Variants in RGS12 observed in about 807,000 individuals in gnomAD.
RGS12 encodes regulator of G protein signaling 12, also known as regulator of G-protein signaling 12.
RGS12 carries 66 observed loss-of-function variants against 120.1 expected under a neutral mutation model. That is an observed-to-expected ratio of 0.55 (90% CI 0.45 to 0.67). RGS12 has a LOEUF of 0.67. RGS12 is among the 30% of genes least tolerant of loss of function. RGS12 has a pLI of 0.00. For synonymous variants in RGS12, 827 were observed against 804.7 expected (o/e 1.03, Z -0.47); for missense variants, 1,859 against 1,957.7 (o/e 0.95, Z 0.95).
chr4:3,386,003 G>T (rs1322252027), intron 3 of RGS12: 1 of 215,438 alleles, frequency 4.6e-6, no homozygotes. Context: ...TGGACTGTTG[G>T]TGGCTGCCCC....
At chr4:3,326,081 G>A (rs781583149) in intron 2 of RGS12, among the ~76,000 whole-genome samples, 1 of 152,158 alleles carries the variant, frequency 6.6e-6, no homozygotes, top group Non-Finnish European at 1.5e-5. Flanking sequence ...AAGGGGAAAA[G>A]TTGAAAGCAT....
At chr4:3,288,655 T>C (rs1375805671), upstream of RGS12, among the ~76,000 whole-genome samples, 1 of 152,180 alleles carries the variant, frequency 6.6e-6, no homozygotes. The surrounding 1 kb of genome is among the most constrained non-coding windows in gnomAD (Gnocchi z 5.2). Flanking sequence ...GTATGGACCC[T>C]GGCATGTTGC....
At chr4:3,423,005 C>T (rs1394094333) in intron 12 of RGS12, 27 bp downstream of exon 12, 1 of 1,600,328 alleles carries the variant, frequency 6.2e-7, no homozygotes, top group Admixed American at 1.7e-5. Context: ...TGTCATTCAC[C>T]TGAGGCTCCC....
At chr4:3,422,608 C>T (rs753593497) in intron 11 of RGS12, 38 bp downstream of exon 11, 1 of 1,583,878 alleles carries the variant, frequency 6.3e-7, no homozygotes, top group Non-Finnish European at 8.6e-7. Context: ...GCCCTCAGGC[C>T]ATGACCTCCC....
chr4:3,338,495 A>G (rs181787761), intron 2 of RGS12, among the ~76,000 whole-genome samples: 1 of 152,246 alleles, frequency 6.6e-6, no homozygotes, highest in African/African-American at 2.4e-5. Flanking sequence ...TGTGTGTGGT[A>G]GTAATGCCGG....
At chr4:3,423,722 G>C in intron 13 of RGS12, 81 bp downstream of exon 13, 2 of 1,522,312 alleles carry the variant, frequency 1.3e-6, no homozygotes, top group Non-Finnish European at 1.8e-6. Context: ...GTTCACTGAA[G>C]AGGGCACACC....
chr4:3,400,523 A>G (rs1040370538), intron 4 of RGS12, among the ~76,000 whole-genome samples: 1 of 152,022 alleles, frequency 6.6e-6, no homozygotes, highest in Admixed American at 6.5e-5. Flanking sequence ...GGAGCATCTA[A>G]TAGAATTACT....
At chr4:3,419,667 A>C (rs1164699362) in intron 9 of RGS12, among the ~76,000 whole-genome samples, 2 of 152,016 alleles carry the variant, frequency 1.3e-5, no homozygotes, top group Non-Finnish European at 2.9e-5. Flanking sequence ...AAAAAAATTA[A>C]AAATTAGCCA....
Position 3,422,384 on chromosome 4 carries a change from C to T in RGS12, c.2847C>T (p.Ala949=). Residue 949 remains alanine (A), a synonymous_variant, in exon 11 of 18, where the codon GCC becomes GCT. Coordinates refer to ENST00000336727, the MANE Select transcript of RGS12 (RefSeq NM_001394154.1). The stretch of plus-strand genomic sequence containing the variant: ...GTCTCGCTGCTCCCCAGTCGGAGGC[C>T]TGCAGGACTTTGGCACCCGAGAAGG... ...SSAGSLDLSE[A]CRTLAPEKDK... 2.5e-6 allele frequency: 4 copies of T among 1,611,716 alleles called. No homozygotes were observed. Among genetic ancestry groups the T allele is most frequent in the South Asian group, 1.1e-5 (1 of 90,906 alleles).
chr4:3,389,548 C>T lies in RGS12; in HGVS notation c.2020+3111C>T, dbSNP rs1426463871. On this transcript the variant is annotated intron_variant, in intron 4 of 17. Coordinates refer to ENST00000336727, the MANE Select transcript of RGS12 (RefSeq NM_001394154.1). The surrounding 1 kb of genome is among the most constrained non-coding windows in gnomAD (Gnocchi z 5.2). ...CTCTGCACAGAGCTGGAGCCGCGGC[C>T]GCACAGAAGCCCGTTCTTGTGGCTT... Among the ~76,000 whole-genome samples the T allele has an allele frequency of 2.6e-5, 4 of 152,156 alleles. No individual in the cohort carries two copies. Among genetic ancestry groups the T allele is most frequent in the African/African-American group, 4.8e-5 (2 of 41,420 alleles).
At chr4:3,328,191 G>A (rs956193598) in intron 2 of RGS12, among the ~76,000 whole-genome samples, 2 of 152,182 alleles carry the variant, frequency 1.3e-5, no homozygotes, top group Non-Finnish European at 1.5e-5. Flanking sequence ...TAAATGATGT[G>A]TACACATGGA....
Position 3,339,431 on chromosome 4 carries a change from A to G in RGS12, c.1882-3506A>G, listed in dbSNP as rs140766036. ...TGGGAGGTCGCGGCTGCTGTGAGCC[A>G]TGATCATACCTCTCCCTCCGGCCTG... On this transcript the variant is annotated intron_variant, in intron 2 of 17. Coordinates refer to ENST00000336727, the MANE Select transcript of RGS12 (RefSeq NM_001394154.1). Among the ~76,000 whole-genome samples, 329 of 152,246 alleles carry G rather than the reference A, an allele frequency of 2.2e-3. 1 individual carries two copies. The highest frequency in any genetic ancestry group is 3.8e-3 in the Non-Finnish European group (257 of 67,988).
At position 3,401,910 on chromosome 4, in the gene RGS12, G is replaced by A. The variant is rs137969335; in HGVS notation, c.2021-12162G>A. Among the ~76,000 whole-genome samples, 9 of 152,372 alleles carry A rather than the reference G, an allele frequency of 5.9e-5. No homozygotes were observed. In the East Asian group the frequency reaches 7.7e-4, roughly 13 times the overall value. On this transcript the variant is annotated intron_variant, in intron 4 of 17. Transcript: ENST00000336727. ...CTGCCTTAGCCTCGTCTCTTGCTGCGTAAAAGTCCAGGGCTTTGCAGAGCC... is the reference window on the plus strand; with the variant it reads ...CTGCCTTAGCCTCGTCTCTTGCTGCATAAAAGTCCAGGGCTTTGCAGAGCC...
At chr4:3,359,829 G>C (rs1050664555) in intron 3 of RGS12, among the ~76,000 whole-genome samples, 3 of 151,824 alleles carry the variant, frequency 2.0e-5, no homozygotes. Flanking sequence ...CGCCATGTTG[G>C]CCAGGCTGGT....
Position 3,328,606 on chromosome 4 carries a change from G to A in RGS12, c.1881+10555G>A, listed in dbSNP as rs189558483. Among the ~76,000 whole-genome samples, 3 of 152,298 alleles carry A rather than the reference G, an allele frequency of 2.0e-5. No individual in the cohort carries two copies. The East Asian group carries it at 5.8e-4, about 29-fold the overall frequency. On this transcript the variant is annotated intron_variant, in intron 2 of 17. Transcript: ENST00000336727. ...TAAATGACCTAGTCTCAGGTATTCA[G>A]TTATAGCAACAGGAAATGGACTACG...
chr4:3,421,766 G>A (rs926610524), intron 10 of RGS12, among the ~76,000 whole-genome samples: 2 of 152,214 alleles, frequency 1.3e-5, no homozygotes, highest in African/African-American at 2.4e-5. Context: ...ACCCAGGTCT[G>A]GGCTGGGGCT....
intron 3 of RGS12, chr4:3,385,888 G>A (rs374178336): frequency 9.8e-4 from 155 of 158,632 alleles, no homozygotes; most frequent in African/African-American, 3.6e-3. Context: ...TGGTCATTGC[G>A]CCTCTCTAGG....
chr4:3,315,456 G>A (rs1023747418), intron 1 of RGS12, among the ~76,000 whole-genome samples: 1 of 152,176 alleles, frequency 6.6e-6, no homozygotes, highest in African/African-American at 2.4e-5. Context: ...ATTGATCGAG[G>A]TTGTTTCAGG....
At chr4:3,371,825 G>A (rs377092283) in intron 3 of RGS12, among the ~76,000 whole-genome samples, 1 of 152,196 alleles carries the variant, frequency 6.6e-6, no homozygotes, top group African/African-American at 2.4e-5. Flanking sequence ...GGGTGCCGCC[G>A]TCCGTGTCCG....
Sources: gnomAD v4.1 joint callset for allele counts (sites outside exome capture counted in the v4.1 genomes callset) on GRCh38, gnomAD v4.1.1 for gene constraint, Gnocchi (gnomAD v3.1) non-coding constraint, MANE v1.5 for transcripts, NCBI Gene and HGNC (gene_info 2026-07-23, HGNC 2026-07-21) for gene names.